COPRS: variants seen among roughly 807,000 people sequenced by gnomAD.
COPRS encodes the protein coordinator of PRMT5 and differentiation stimulator, also known as cooperator of PRMT5.
COPRS carries 11 observed loss-of-function variants against 19.9 expected under a neutral mutation model. The observed-to-expected ratio is 0.55, with a 90% CI of 0.35 to 0.92. The LOEUF is 0.92. Among genes scored for constraint, COPRS ranks in the 40% least tolerant of loss-of-function variants. The pLI, the probability that COPRS is intolerant of heterozygous loss-of-function variation, is 0.01. For missense variants in COPRS, 225 were observed against 229.9 expected (o/e 0.98, Z 0.14); for synonymous variants, 81 against 82.7 (o/e 0.98, Z 0.11).
chr17:31,854,213 C>G (rs1208513318), intron 2 of COPRS, among the ~76,000 whole-genome samples: 1 of 151,748 alleles, frequency 6.6e-6, no homozygotes, highest in East Asian at 1.9e-4. Context: ...ACAAAAAATT[C>G]AAAAAATTTA....
In COPRS at chr17:31,852,049, A is replaced by G; in HGVS notation, c.*90T>C. On this transcript the variant is annotated 3_prime_UTR_variant, in exon 4 of 4. Coordinates refer to ENST00000302362, the MANE Select transcript of COPRS (RefSeq NM_018405.4). The stretch of plus-strand genomic sequence containing the variant: ...CCCCAGACTAGGGGTCACTGCAAAC[A>G]TTTTCTCAGATATGACTTTTCACCT... The G allele has an allele frequency of 1.3e-6, 2 of 1,518,046 alleles. No homozygotes were observed. Among genetic ancestry groups the G allele is most frequent in the Non-Finnish European group, 1.8e-6 (2 of 1,102,326 alleles). The allele number at this position is 1,518,046 out of a possible 1,614,324, so 94.0% of individuals were successfully genotyped here. A position where few individuals can be genotyped will look rare whatever the true frequency, so the allele number is the denominator to read the frequency against.
rs756825054 is a variant in COPRS, at chr17:31,852,217, C to T, written c.477G>A (p.Trp159Ter). The T allele has an allele frequency of 1.9e-6, 3 of 1,614,028 alleles. No homozygotes were observed. The highest frequency in any genetic ancestry group is 2.5e-6 in the Non-Finnish European group (3 of 1,179,984). ...PQGDMIYDPS[W>*]HHPPPLIPYY... ...AGGGTATCAGTGGAGGCGGATGGTG[C>T]CAGCTGGGGTCATAGATCATGTCTC... is the stretch of plus-strand genomic sequence containing the variant. The change falls in exon 4 of 4, where the codon TGG becomes TGA. Residue 159 changes from tryptophan to a stop codon, truncating the protein, a stop_gained. Transcript: ENST00000302362. LOFTEE classifies it high-confidence loss of function.
At chr17:31,857,805 A>G (rs1029265179) in intron 1 of COPRS, among the ~76,000 whole-genome samples, 1 of 152,210 alleles carries the variant, frequency 6.6e-6, no homozygotes, top group East Asian at 1.9e-4. Flanking sequence ...ACCATTTATG[A>G]AAACACCTGG....
At chr17:31,859,012 G>A (rs1909451406) in intron 1 of COPRS, 89 bp downstream of exon 1, 4 of 1,212,154 alleles carry the variant, frequency 3.3e-6, no homozygotes, top group Admixed American at 4.6e-5. Context: ...GCGCTTCCCC[G>A]GCCCCGCGGC....
chr17:31,859,117 G>GC lies in COPRS; in HGVS notation c.82dup (p.Ala28GlyfsTer13). The GC allele has an allele frequency of 8.3e-6, 9 of 1,088,242 alleles. No individual in the cohort carries two copies. Among genetic ancestry groups the GC allele is most frequent in the East Asian group, 6.5e-5 (1 of 15,502 alleles). 67.4% of individuals were successfully genotyped at this position (1,088,242 alleles called of 1,614,324 possible). On this transcript the variant is annotated frameshift_variant, in exon 1 of 4. Coordinates refer to ENST00000302362, the MANE Select transcript of COPRS (RefSeq NM_018405.4). LOFTEE classifies it high-confidence loss of function. ...GGCGCTCACCTCCGGGCTGGGGGGCGCCCCCCGCGCGCTAGGCAGCGGCGG... is the reference window on the plus strand; with the variant it reads ...GGCGCTCACCTCCGGGCTGGGGGGCGCCCCCCCGCGCGCTAGGCAGCGGCGG...
At chr17:31,858,774 C>A in intron 1 of COPRS, 3 of 1,550,620 alleles carry the variant, frequency 1.9e-6, no homozygotes, top group Non-Finnish European at 2.6e-6. Flanking sequence ...CTCGCCCAGG[C>A]TCCTGGCAGC....
chr17:31,852,006 G>T lies in COPRS; in HGVS notation c.*133C>A. ...GGGCCTTATTGAACACTGTCAATAA[G>T]GAACACTGGTCTGTGTACCCCAGAC... On this transcript the variant is annotated 3_prime_UTR_variant, in exon 4 of 4. Coordinates refer to ENST00000302362, the MANE Select transcript of COPRS (RefSeq NM_018405.4). 1.0e-6 allele frequency: 1 copy of T among 971,932 alleles called. No homozygotes were observed. The allele number at this position is 971,932 out of a possible 1,614,324, so 60.2% of individuals were successfully genotyped here. A position where few individuals can be genotyped will look rare whatever the true frequency, so the allele number is the denominator to read the frequency against.
At position 31,852,276 on chromosome 17, in the gene COPRS, C is replaced by G; in HGVS notation, c.418G>C (p.Glu140Gln). Residue 140 changes from glutamate (E) to glutamine (Q), a missense_variant, in exon 4 of 4, where the codon GAG becomes CAG. Physicochemically the swap from Glu to Gln is conservative, Grantham distance 29. This residue lies in a region of COPRS where 170 missense variants were observed against 171.4 expected (regional missense o/e 0.99). Coordinates refer to ENST00000302362, the MANE Select transcript of COPRS (RefSeq NM_018405.4). ...ADDIQESISQ[E>Q]LKPWVCCAPQ... The stretch of plus-strand genomic sequence containing the variant: ...GCACAGCACACCCAAGGTTTAAGCT[C>G]TTGAGAAATGCTCTCCTGGATGTCG... The G allele has an allele frequency of 6.2e-7, 1 of 1,612,798 alleles. No homozygotes were observed. The highest frequency in any genetic ancestry group is 8.5e-7 in the Non-Finnish European group (1 of 1,179,382).
chr17:31,856,639 T>C, intron 2 of COPRS, 160 bp downstream of exon 2: 1 of 602,734 alleles, frequency 1.7e-6, no homozygotes, highest in Non-Finnish European at 2.9e-6. Flanking sequence ...TTAAGGAAGC[T>C]CCAAGCAAGG....
chr17:31,856,725 T>C (rs1199747105), intron 2 of COPRS, 74 bp downstream of exon 2: 2 of 940,608 alleles, frequency 2.1e-6, no homozygotes, highest in Admixed American at 1.7e-5. Flanking sequence ...AAAGAGAAGG[T>C]AAATGAGACA....
At chr17:31,853,078 C>G (rs1278535056) in intron 2 of COPRS, 48 bp from the exon 3 acceptor site, 2 of 1,388,404 alleles carry the variant, frequency 1.4e-6, no homozygotes. Flanking sequence ...CAAAGAGGAC[C>G]TGCTCTGTGC....
intron 2 of COPRS, among the ~76,000 whole-genome samples, chr17:31,855,251 C>G (rs1457283599): frequency 6.6e-6 from 1 of 152,134 alleles, no homozygotes; most frequent in African/African-American, 2.4e-5. Flanking sequence ...GTGGCTCACG[C>G]CTGTAATCCC....
At chr17:31,857,776 AGGGGACT>A (rs1157117777) in intron 1 of COPRS, among the ~76,000 whole-genome samples, 1 of 152,206 alleles carries the variant, frequency 6.6e-6, no homozygotes, top group Non-Finnish European at 1.5e-5. Context: ...CTGACCCTGC[AGGGGACT>A]TATGATTAGA....
intron 2 of COPRS, 94 bp downstream of exon 2, chr17:31,856,705 G>A: frequency 1.2e-6 from 1 of 839,576 alleles, no homozygotes; most frequent in Non-Finnish European, 2.1e-6. Flanking sequence ...GCAGCAGAGA[G>A]GACTGGCTAA....
At chr17:31,855,391 C>A (rs1909307074) in intron 2 of COPRS, among the ~76,000 whole-genome samples, 1 of 152,102 alleles carries the variant, frequency 6.6e-6, no homozygotes, top group African/African-American at 2.4e-5. Context: ...CCTGTGGTCC[C>A]AGCTACTCGG....
chr17:31,855,230 G>C (rs1237779588), intron 2 of COPRS, among the ~76,000 whole-genome samples: 1 of 152,084 alleles, frequency 6.6e-6, no homozygotes, highest in Non-Finnish European at 1.5e-5. Context: ...ACAAAAATTA[G>C]GCCGGGAGCA....
At chr17:31,852,627 G>A (rs909709430) in intron 3 of COPRS, among the ~76,000 whole-genome samples, 185 bp downstream of exon 3, 1 of 152,156 alleles carries the variant, frequency 6.6e-6, no homozygotes, top group African/African-American at 2.4e-5. Flanking sequence ...ATACATTATG[G>A]AGTCAAATGC....
intron 1 of COPRS, 37 bp from the exon 2 acceptor site, chr17:31,856,902 A>T (rs1189111490): frequency 7.7e-7 from 1 of 1,302,580 alleles, no homozygotes. Context: ...GGACTTGGGT[A>T]TCTGGGGTAT....
rs1909176673 is a variant in COPRS, at chr17:31,851,949, T to G, written c.*190A>C. 1.7e-6 allele frequency: 1 copy of G among 586,480 alleles called. No individual in the cohort carries two copies. Among genetic ancestry groups the G allele is most frequent in the Non-Finnish European group, 3.0e-6 (1 of 335,240 alleles). 36.3% of individuals were successfully genotyped at this position (586,480 alleles called of 1,614,324 possible). On this transcript the variant is annotated 3_prime_UTR_variant, in exon 4 of 4. Transcript: ENST00000302362. ...CACACACATTTCAAGGAGGAGCCCA[T>G]TAAGAACAACAACAGACTGGCGAGA...
Sources: gnomAD v4.1 joint callset for allele counts (sites outside exome capture counted in the v4.1 genomes callset) on GRCh38, gnomAD v4.1.1 for gene constraint, gnomAD v4.1.1 regional missense constraint, MANE v1.5 for transcripts, NCBI Gene and HGNC (gene_info 2026-07-23, HGNC 2026-07-21) for gene names.